CTNNA3: variants seen among roughly 807,000 people sequenced by gnomAD.
CTNNA3 encodes the protein catenin alpha 3.
Under a neutral mutation model 95.7 loss-of-function variants are expected in CTNNA3, and 76 were observed. The observed-to-expected ratio is 0.79, with a 90% CI of 0.66 to 0.96. The LOEUF is 0.96. Ranked by LOEUF, CTNNA3 falls within the 40% of genes least tolerant of loss-of-function variation. CTNNA3 has a pLI of 0.00. For missense variants in CTNNA3, 1,191 were observed against 1,089.8 expected (o/e 1.09, Z -1.31); for synonymous variants, 431 against 374.4 (o/e 1.15, Z -1.74).
chr10:67,531,464 G>A (rs1053200819), intron 4 of CTNNA3, among the ~76,000 whole-genome samples: 1 of 152,206 alleles, frequency 6.6e-6, no homozygotes, highest in Non-Finnish European at 1.5e-5. Flanking sequence ...GATGGATTGT[G>A]GACTTACATG....
At chr10:66,538,655 C>G (rs1356981497) in intron 10 of CTNNA3, among the ~76,000 whole-genome samples, 4 of 152,108 alleles carry the variant, frequency 2.6e-5, no homozygotes, top group Non-Finnish European at 2.9e-5. Flanking sequence ...CAAAAGGTCA[C>G]TTACATATGC....
chr10:67,476,723 C>A (rs186739673), intron 5 of CTNNA3, among the ~76,000 whole-genome samples: 4 of 151,934 alleles, frequency 2.6e-5, no homozygotes, highest in African/African-American at 7.3e-5. Flanking sequence ...CCTGAGCCAC[C>A]CTACACTTCC....
chr10:67,270,249 C>T (rs907569441), intron 5 of CTNNA3, among the ~76,000 whole-genome samples: 2 of 151,902 alleles, frequency 1.3e-5, no homozygotes, highest in African/African-American at 4.8e-5. Flanking sequence ...CACATCTATT[C>T]GCATCTTGAC....
intron 7 of CTNNA3, among the ~76,000 whole-genome samples, chr10:67,160,131 A>G (rs1444528494): frequency 6.6e-6 from 1 of 152,166 alleles, no homozygotes; most frequent in African/African-American, 2.4e-5. Context: ...GTGCAACATC[A>G]CTAGTCATCA....
intron 5 of CTNNA3, among the ~76,000 whole-genome samples, chr10:67,482,265 G>GT (rs1206912381): frequency 1.3e-5 from 2 of 151,846 alleles, no homozygotes; most frequent in Non-Finnish European, 2.9e-5. Context: ...CTTTAAAGTA[G>GT]TTTTTTCCAA....
intron 10 of CTNNA3, among the ~76,000 whole-genome samples, chr10:66,596,038 C>G (rs2132242690): frequency 6.6e-6 from 1 of 152,160 alleles, no homozygotes; most frequent in South Asian, 2.1e-4. Context: ...CCTACAATTT[C>G]TCTCATGAAG....
rs1446144615 is a variant in CTNNA3 at position 66,101,976 on chromosome 10, CA to C, written c.1977+1180del. Among the ~76,000 whole-genome samples, 4 of 152,196 alleles carry C rather than the reference CA, an allele frequency of 2.6e-5. 1 individual carries two copies. The highest frequency in any genetic ancestry group is 4.8e-5 in the African/African-American group (2 of 41,530). On this transcript the variant is annotated intron_variant, in intron 14 of 17. Transcript: ENST00000433211. ...TATCAAAACATGTGAGGAATATCAACATTTTTTTTAAGGAAATGTGCACTAA... is the reference window on the plus strand; with the variant it reads ...TATCAAAACATGTGAGGAATATCAACTTTTTTTTAAGGAAATGTGCACTAA...
At chr10:65,953,305 T>A (rs1171957746) in intron 17 of CTNNA3, among the ~76,000 whole-genome samples, 2 of 152,156 alleles carry the variant, frequency 1.3e-5, no homozygotes, top group African/African-American at 4.8e-5. Context: ...CATTCATACA[T>A]CAAGATGACT....
At chr10:67,699,371 G>C (rs1254967877), upstream of CTNNA3, among the ~76,000 whole-genome samples, 1 of 152,102 alleles carries the variant, frequency 6.6e-6, no homozygotes, top group Non-Finnish European at 1.5e-5. Flanking sequence ...ACTCCCAAAA[G>C]GGTCATTTTT....
intron 12 of CTNNA3, among the ~76,000 whole-genome samples, chr10:66,316,774 CTA>C (rs2092107481): frequency 6.6e-6 from 1 of 152,038 alleles, no homozygotes; most frequent in African/African-American, 2.4e-5. Flanking sequence ...CAAGGACCTG[CTA>C]TATTTAACTT....
rs117934068 is a variant in CTNNA3, at chr10:66,178,524, G to C, written c.1885-75275C>G. 5.8e-3 allele frequency among the ~76,000 whole-genome samples: 854 copies of C among 146,250 alleles called. 3 individuals carry two copies. Among genetic ancestry groups the C allele is most frequent in the Non-Finnish European group, 7.9e-3 (523 of 66,500 alleles). The stretch of plus-strand genomic sequence containing the variant: ...ACACCCCTTAAGAGTTCTTAAACTT[G>C]ACAGCAGAAATATATACCATAAAAG... On this transcript the variant is annotated intron_variant, in intron 13 of 17. Coordinates refer to ENST00000433211, the MANE Select transcript of CTNNA3 (RefSeq NM_013266.4).
intron 11 of CTNNA3, among the ~76,000 whole-genome samples, chr10:66,428,566 G>T (rs1173942983): frequency 6.6e-6 from 1 of 152,132 alleles, no homozygotes; most frequent in Non-Finnish European, 1.5e-5. Flanking sequence ...TCAAACCACA[G>T]TGCAATCAAA....
intron 5 of CTNNA3, among the ~76,000 whole-genome samples, chr10:67,387,522 A>T (rs757316681): frequency 6.6e-6 from 1 of 152,326 alleles, no homozygotes; most frequent in South Asian, 2.1e-4. Flanking sequence ...TAGGTAAACA[A>T]AGCAGCCGGG....
At chr10:67,711,619 C>CA (rs1485967357) in intron 1 of CTNNA3, among the ~76,000 whole-genome samples, 1 of 151,426 alleles carries the variant, frequency 6.6e-6, no homozygotes, top group African/African-American at 2.4e-5. Flanking sequence ...TTTTAGGGTA[C>CA]ATGTGCACAT....
Position 66,090,932 on chromosome 10 carries a change from G to A in CTNNA3, c.1977+12225C>T, listed in dbSNP as rs111906109. Among the ~76,000 whole-genome samples the A allele has an allele frequency of 1.6e-3, 244 of 151,958 alleles. 1 individual carries two copies. Among genetic ancestry groups the A allele is most frequent in the Middle Eastern group, 6.8e-3 (2 of 294 alleles). On this transcript the variant is annotated intron_variant, in intron 14 of 17. Transcript: ENST00000433211. ...AATATAAAAATACTATTTCGGTTAT[G>A]GTACTTTCACCGTACAAAGGTAATT... is the stretch of plus-strand genomic sequence containing the variant.
At chr10:67,379,577 GT>G (rs1263983092) in intron 5 of CTNNA3, among the ~76,000 whole-genome samples, 1 of 152,114 alleles carries the variant, frequency 6.6e-6, no homozygotes, top group Non-Finnish European at 1.5e-5. Flanking sequence ...AAGCAAACAA[GT>G]TTATACTTTA....
intron 13 of CTNNA3, among the ~76,000 whole-genome samples, chr10:66,245,522 G>A (rs935290455): frequency 2.0e-5 from 3 of 152,180 alleles, no homozygotes; most frequent in Non-Finnish European, 4.4e-5. Context: ...ACAAGTGGAG[G>A]GTAAGCAAGA....
At chr10:66,946,765 C>T (rs1270553806) in intron 7 of CTNNA3, among the ~76,000 whole-genome samples, 1 of 152,022 alleles carries the variant, frequency 6.6e-6, no homozygotes, top group African/African-American at 2.4e-5. Flanking sequence ...TCTCTCCCCA[C>T]CACACCCAGG....
At position 66,088,213 on chromosome 10, in the gene CTNNA3, T is replaced by C. The variant is rs188241366; in HGVS notation, c.1977+14944A>G. Among the ~76,000 whole-genome samples, 24 of 152,182 alleles carry C rather than the reference T, an allele frequency of 1.6e-4. No individual in the cohort carries two copies. The East Asian group carries it at 4.3e-3, about 27-fold the overall frequency. On this transcript the variant is annotated intron_variant, in intron 14 of 17. Transcript: ENST00000433211. Reference sequence around the variant, plus strand: ...TATTTTCATAAAATATTGTTTCATATACCAAAGATTTTGAAAGCAATATTT... The same window carrying C: ...TATTTTCATAAAATATTGTTTCATACACCAAAGATTTTGAAAGCAATATTT...
Sources: gnomAD v4.1 joint callset for allele counts (sites outside exome capture counted in the v4.1 genomes callset) on GRCh38, gnomAD v4.1.1 for gene constraint, MANE v1.5 for transcripts, NCBI Gene and HGNC (gene_info 2026-07-23, HGNC 2026-07-21) for gene names.